NKAIN3: variants seen among roughly 807,000 people sequenced by gnomAD.
NKAIN3 encodes the protein sodium/potassium transporting ATPase interacting 3.
NKAIN3 carries 25 observed loss-of-function variants against 30.2 expected under a neutral mutation model. The observed-to-expected ratio is 0.83, with a 90% CI of 0.60 to 1.16. The LOEUF (loss-of-function observed/expected upper bound fraction) is 1.16, where lower values mean the gene tolerates loss of function less well. NKAIN3 is among the 50% of genes most tolerant of loss of function. NKAIN3 has a pLI of 0.00. For missense variants in NKAIN3, 225 were observed against 254.1 expected (o/e 0.89, Z 0.78); for synonymous variants, 91 against 89.6 (o/e 1.02, Z -0.09).
At chr8:62,511,812 T>C (rs1485337261) in intron 1 of NKAIN3, among the ~76,000 whole-genome samples, 5 of 152,208 alleles carry the variant, frequency 3.3e-5, no homozygotes. Flanking sequence ...CTCTATCTGA[T>C]TGCAGCTCAA....
At chr8:62,602,418 A>G (rs997068202) in intron 3 of NKAIN3, among the ~76,000 whole-genome samples, 1 of 152,088 alleles carries the variant, frequency 6.6e-6, no homozygotes, top group African/African-American at 2.4e-5. Flanking sequence ...TTACCTTTGT[A>G]TCTAGTTTAT....
chr8:62,522,043 G>A (rs1808175455), intron 1 of NKAIN3, among the ~76,000 whole-genome samples: 1 of 152,078 alleles, frequency 6.6e-6, no homozygotes, highest in Non-Finnish European at 1.5e-5. Context: ...CTCTCACAAA[G>A]GTGAGAGTGA....
intron 3 of NKAIN3, among the ~76,000 whole-genome samples, chr8:62,746,717 A>T (rs953481168): frequency 6.6e-6 from 1 of 152,210 alleles, no homozygotes; most frequent in Non-Finnish European, 1.5e-5. Flanking sequence ...TGTTAATAGT[A>T]ATCAAAGGAT....
At chr8:62,800,644 G>A (rs1031247956) in intron 4 of NKAIN3, among the ~76,000 whole-genome samples, 2 of 152,184 alleles carry the variant, frequency 1.3e-5, no homozygotes, top group Admixed American at 6.5e-5. Flanking sequence ...AGCCAAGATG[G>A]CCAAATAGGA....
intron 3 of NKAIN3, among the ~76,000 whole-genome samples, chr8:62,639,590 A>G (rs919213124): frequency 1.8e-4 from 27 of 152,318 alleles, no homozygotes; most frequent in African/African-American, 5.8e-4. Flanking sequence ...ATATTAAAGC[A>G]TAATTGCAAG....
chr8:62,508,332 C>G (rs1807708738), intron 1 of NKAIN3, among the ~76,000 whole-genome samples: 1 of 152,138 alleles, frequency 6.6e-6, no homozygotes, highest in Non-Finnish European at 1.5e-5. Flanking sequence ...AAACAATTTG[C>G]TTTAGACCCA....
intron 4 of NKAIN3, among the ~76,000 whole-genome samples, chr8:62,764,836 C>T (rs1816782131): frequency 6.6e-6 from 1 of 152,114 alleles, no homozygotes; most frequent in African/African-American, 2.4e-5. Context: ...AAAACAAATT[C>T]TTTTCAAGCT....
chr8:62,285,803 G>A (rs947492120), intron 1 of NKAIN3, among the ~76,000 whole-genome samples: 11 of 152,128 alleles, frequency 7.2e-5, no homozygotes, highest in African/African-American at 2.7e-4. Flanking sequence ...AGCAATGGCA[G>A]TTTTTCTTCA....
In NKAIN3 at chr8:62,574,077, G is replaced by T. The variant is rs141093479; in HGVS notation, c.55-5462G>T. ...CTATCATTCTGCTCTCTGTCTCCAT[G>T]AGTTCAATTGTTTTTATGTTTAGCT... On this transcript the variant is annotated intron_variant, in intron 1 of 6. Transcript: ENST00000623646. Among the ~76,000 whole-genome samples the T allele has an allele frequency of 4.7e-4, 72 of 152,188 alleles. No homozygotes were observed. In the East Asian group the frequency reaches 0.012, roughly 26 times the overall value.
intron 1 of NKAIN3, among the ~76,000 whole-genome samples, chr8:62,576,813 T>G (rs558136009): frequency 2.0e-4 from 30 of 152,258 alleles, no homozygotes; most frequent in African/African-American, 6.7e-4. Context: ...GAGATATTTC[T>G]AAAGAACATT....
At chr8:62,912,030 T>C (rs1389919260) in intron 4 of NKAIN3, among the ~76,000 whole-genome samples, 1 of 152,180 alleles carries the variant, frequency 6.6e-6, no homozygotes, top group Non-Finnish European at 1.5e-5. Flanking sequence ...GATTTCATCA[T>C]TGTGTGAACA....
chr8:62,761,912 G>A (rs1816677663), intron 4 of NKAIN3, among the ~76,000 whole-genome samples: 1 of 152,058 alleles, frequency 6.6e-6, no homozygotes, highest in South Asian at 2.1e-4. Flanking sequence ...AAACAATTTG[G>A]CCCTTTACTT....
intron 1 of NKAIN3, among the ~76,000 whole-genome samples, chr8:62,335,999 A>G (rs919708564): frequency 6.6e-6 from 1 of 152,084 alleles, no homozygotes; most frequent in Admixed American, 6.6e-5. Context: ...TATGATTTCT[A>G]TAAGTCCAAT....
At chr8:62,825,552 G>A (rs138980275) in intron 4 of NKAIN3, among the ~76,000 whole-genome samples, 11 of 152,130 alleles carry the variant, frequency 7.2e-5, no homozygotes, top group Middle Eastern at 3.4e-3. Flanking sequence ...TGTGTTTGTC[G>A]TCTTTATGCA....
intron 4 of NKAIN3, among the ~76,000 whole-genome samples, chr8:62,899,445 T>C (rs1821533877): frequency 6.6e-6 from 1 of 152,046 alleles, no homozygotes; most frequent in Non-Finnish European, 1.5e-5. Flanking sequence ...TGCAACAACA[T>C]GGATGGAACT....
At chr8:62,898,429 T>C (rs999256237) in intron 4 of NKAIN3, among the ~76,000 whole-genome samples, 13 of 152,100 alleles carry the variant, frequency 8.5e-5, no homozygotes, top group African/African-American at 3.1e-4. Flanking sequence ...TGGATGGAAC[T>C]TGAGACCATT....
chr8:62,966,147 C>T lies in NKAIN3; in HGVS notation c.*740C>T. On this transcript the variant is annotated 3_prime_UTR_variant, in exon 7 of 7. Coordinates refer to ENST00000623646, the MANE Select transcript of NKAIN3 (RefSeq NM_001304533.3). ...GGTCCATATTTTCTACTCATTATTC[C>T]ATTCCTGACACTGCTGTCAGACCTA... The T allele has an allele frequency of 3.0e-6, 3 of 985,194 alleles. No individual in the cohort carries two copies. Among genetic ancestry groups the T allele is most frequent in the Non-Finnish European group, 3.6e-6 (3 of 829,832 alleles). 61.0% of individuals were successfully genotyped at this position (985,194 alleles called of 1,614,324 possible).
intron 3 of NKAIN3, among the ~76,000 whole-genome samples, chr8:62,744,962 T>C (rs1222069708): frequency 6.6e-6 from 1 of 152,246 alleles, no homozygotes; most frequent in Non-Finnish European, 1.5e-5. Flanking sequence ...TTTGAATTCC[T>C]TGAATTGAAG....
chr8:62,965,805 G>A lies in NKAIN3; in HGVS notation c.*398G>A, dbSNP rs777950922. 13 of 985,270 alleles carry A rather than the reference G, an allele frequency of 1.3e-5. No individual in the cohort carries two copies. Among genetic ancestry groups the A allele is most frequent in the African/African-American group, 1.7e-5 (1 of 57,334 alleles). The allele number at this position is 985,270 out of a possible 1,614,324, so 61.0% of individuals were successfully genotyped here. ...TGACTGTTGAAGTTATTCTAGGCCT[G>A]ATGAATTTGTTTTAGCAGACATTAC... On this transcript the variant is annotated 3_prime_UTR_variant, in exon 7 of 7. Coordinates refer to ENST00000623646, the MANE Select transcript of NKAIN3 (RefSeq NM_001304533.3).
Sources: allele counts gnomAD v4.1 joint callset (sites outside exome capture counted in the v4.1 genomes callset), GRCh38; gene constraint gnomAD v4.1.1; transcripts MANE v1.5; gene names NCBI Gene and HGNC (gene_info 2026-07-23, HGNC 2026-07-21).